MTUS1: variants seen among roughly 807,000 people sequenced by gnomAD.
MTUS1 encodes microtubule-associated tumor suppressor 1.
A neutral mutation model predicts 120.8 loss-of-function variants in MTUS1; 109 were observed. That is an observed-to-expected ratio of 0.90 (90% confidence interval 0.77 to 1.06). The LOEUF is 1.06. MTUS1 is among the 50% of genes least tolerant of loss of function. The pLI, the probability that MTUS1 is intolerant of heterozygous loss-of-function variation, is 0.00. For synonymous variants in MTUS1, 737 were observed against 550.5 expected (o/e 1.34, Z -4.74); for missense variants, 2,210 against 1,486.3 (o/e 1.49, Z -8.01).
chr8:17,798,598 C>A (rs2052442242), intron 1 of MTUS1, among the ~76,000 whole-genome samples: 1 of 152,188 alleles, frequency 6.6e-6, no homozygotes, highest in Non-Finnish European at 1.5e-5. Flanking sequence ...TCCCAAAGTG[C>A]TGGGATTAGA....
In MTUS1 at chr8:17,754,814, C is replaced by T. The variant is rs1422400052; in HGVS notation, c.994G>A (p.Glu332Lys). 3 of 1,614,226 alleles carry T rather than the reference C, an allele frequency of 1.9e-6. No homozygotes were observed. The highest frequency in any genetic ancestry group is 2.2e-5 in the East Asian group (1 of 44,886). ...GTCTCTCTCAGATTTTGGCCCATTT[C>T]CTTGTGCCTGTATGAGCTCTGTGAA... ...PHSQSSYRHK[E>K]MGQNLRETVS... is the part of the protein sequence containing the mutation. The change falls in exon 2 of 15, where the codon GAA becomes AAA. Residue 332 changes from glutamate (E) to lysine (K), a missense_variant. Physicochemically the swap from Glu to Lys is moderately conservative, Grantham distance 56. Transcript: ENST00000693296.
At chr8:17,778,875 C>T (rs2050660631) in intron 1 of MTUS1, among the ~76,000 whole-genome samples, 1 of 152,162 alleles carries the variant, frequency 6.6e-6, no homozygotes, top group Non-Finnish European at 1.5e-5. Context: ...GCTACTGAGG[C>T]ACCTGTAAGG....
intron 1 of MTUS1, among the ~76,000 whole-genome samples, chr8:17,797,909 T>C (rs1348497102): frequency 1.3e-5 from 2 of 152,184 alleles, no homozygotes; most frequent in Middle Eastern, 6.4e-3. Flanking sequence ...AACTTTGAGA[T>C]ATCAGGAAGA....
At chr8:17,709,931 C>T (rs935736435) in intron 6 of MTUS1, among the ~76,000 whole-genome samples, 21 of 151,094 alleles carry the variant, frequency 1.4e-4, no homozygotes, top group African/African-American at 3.4e-4. Flanking sequence ...GGCGTGAACC[C>T]GGGAGGCAGA....
intron 1 of MTUS1, among the ~76,000 whole-genome samples, chr8:17,759,122 C>G (rs1323475984): frequency 6.6e-6 from 1 of 151,892 alleles, no homozygotes; most frequent in Non-Finnish European, 1.5e-5. Flanking sequence ...ACCTCGTGAT[C>G]CGCCCGCCTC....
At chr8:17,722,438 T>A in intron 4 of MTUS1, 1 of 985,390 alleles carries the variant, frequency 1.0e-6, no homozygotes, top group East Asian at 1.1e-4. Flanking sequence ...AATTCAGAGT[T>A]CCCTCTTACA....
intron 6 of MTUS1, among the ~76,000 whole-genome samples, chr8:17,685,068 A>G (rs1434886190): frequency 2.0e-5 from 3 of 152,204 alleles, no homozygotes; most frequent in Non-Finnish European, 4.4e-5. Flanking sequence ...AATCTCTAAT[A>G]AATCATAACA....
At chr8:17,657,799 C>CA (rs1216051789) in intron 8 of MTUS1, among the ~76,000 whole-genome samples, 42,249 of 91,010 alleles carry the variant, frequency 0.46, 10,761 homozygotes, top group Middle Eastern at 0.59. Context: ...GACCCTATCT[C>CA]AAAAAAAAAA....
At chr8:17,715,048 G>A (rs577530676) in intron 5 of MTUS1, among the ~76,000 whole-genome samples, 2 of 151,736 alleles carry the variant, frequency 1.3e-5, no homozygotes, top group African/African-American at 2.4e-5. Context: ...TGGGACTACA[G>A]GTACACACGA....
rs367874537 is a variant in MTUS1 at position 17,743,844 on chromosome 8, A to G, written c.2092-45T>C. The G allele has an allele frequency of 4.4e-5, 69 of 1,556,096 alleles. No homozygotes were observed. In the Middle Eastern group the frequency reaches 1.3e-3, roughly 30 times the overall value. On this transcript the variant is annotated intron_variant, in intron 2 of 14. Coordinates refer to ENST00000693296, the MANE Select transcript of MTUS1 (RefSeq NM_001363059.2). Reference sequence around the variant, plus strand: ...GACTGTAAACCAAAACTAAAATTCTAAGCCCCCCAACTGACTGAATGGGCC... The same window carrying G: ...GACTGTAAACCAAAACTAAAATTCTGAGCCCCCCAACTGACTGAATGGGCC...
At chr8:17,704,035 G>C (rs563341976) in intron 6 of MTUS1, 6 of 152,864 alleles carry the variant, frequency 3.9e-5, no homozygotes, top group African/African-American at 1.4e-4. Context: ...AGGCCCAGCT[G>C]TAAAATTCCT....
At chr8:17,711,062 T>G (rs1821200645) in intron 6 of MTUS1, among the ~76,000 whole-genome samples, 2 of 152,210 alleles carry the variant, frequency 1.3e-5, no homozygotes, top group Admixed American at 1.3e-4. Flanking sequence ...TCATCCAGGC[T>G]TTGTTGTTTC....
chr8:17,713,171 CAA>C, intron 6 of MTUS1, 41 bp downstream of exon 6: 1 of 1,479,678 alleles, frequency 6.8e-7, no homozygotes, highest in Non-Finnish European at 9.4e-7. Flanking sequence ...CATAACTTTA[CAA>C]AAAGATTCTT....
rs1039490086 is a variant in MTUS1 at position 17,680,720 on chromosome 8, G to A, written c.2838+3608C>T. On this transcript the variant is annotated intron_variant, in intron 7 of 14. Coordinates refer to ENST00000693296, the MANE Select transcript of MTUS1 (RefSeq NM_001363059.2). ...TAACTGAGCACCTGATAAAGGCCTC[G>A]GCTTGTGTTTAGAGGCCAGGTTGCA... 4.6e-5 allele frequency among the ~76,000 whole-genome samples: 7 copies of A among 152,104 alleles called. 1 individual carries two copies. Among genetic ancestry groups the A allele is most frequent in the Middle Eastern group, 3.4e-3 (1 of 294 alleles).
rs755431774 is a variant in MTUS1 at position 17,755,905 on chromosome 8, C to G, written c.-98G>C. The G allele has an allele frequency of 6.7e-7, 1 of 1,489,696 alleles. No homozygotes were observed. Among genetic ancestry groups the G allele is most frequent in the Middle Eastern group, 2.5e-4 (1 of 4,056 alleles). The allele number at this position is 1,489,696 out of a possible 1,614,324, so 92.3% of individuals were successfully genotyped here. A position where few individuals can be genotyped will look rare whatever the true frequency, so the allele number is the denominator to read the frequency against. Reference sequence around the variant, plus strand: ...ATGGTCTGTCTTCTAGGTTTTTCAGCACAGTTGAAAGGTTTTCAGTCTAAG... The same window carrying G: ...ATGGTCTGTCTTCTAGGTTTTTCAGGACAGTTGAAAGGTTTTCAGTCTAAG... On this transcript the variant is annotated 5_prime_UTR_variant, in exon 2 of 15. Coordinates refer to ENST00000693296, the MANE Select transcript of MTUS1 (RefSeq NM_001363059.2).
At chr8:17,778,155 T>A (rs1314566970) in intron 1 of MTUS1, among the ~76,000 whole-genome samples, 1 of 152,158 alleles carries the variant, frequency 6.6e-6, no homozygotes, top group African/African-American at 2.4e-5. Flanking sequence ...TATTTTTTTT[T>A]AATTGTGGTA....
In MTUS1 at chr8:17,723,878, C is replaced by T. The variant is rs772780715; in HGVS notation, c.2288-45G>A. ...AAAAAGTTTCCAGTGCTATTCATCC[C>T]GAAAGCTGGCACTTTTTAAGCCTGT... is the stretch of plus-strand genomic sequence containing the variant. On this transcript the variant is annotated intron_variant, in intron 3 of 14. Coordinates refer to ENST00000693296, the MANE Select transcript of MTUS1 (RefSeq NM_001363059.2). The T allele has an allele frequency of 4.1e-5, 61 of 1,470,132 alleles. 1 individual carries two copies. Among genetic ancestry groups the T allele is most frequent in the South Asian group, 1.5e-4 (11 of 71,396 alleles). The allele number at this position is 1,470,132 out of a possible 1,614,324, so 91.1% of individuals were successfully genotyped here.
intron 3 of MTUS1, among the ~76,000 whole-genome samples, chr8:17,725,413 C>T (rs1313946651): frequency 6.6e-6 from 1 of 152,178 alleles, no homozygotes; most frequent in Admixed American, 6.5e-5. Flanking sequence ...TTGTATGGCT[C>T]TCCTACATCC....
intron 1 of MTUS1, among the ~76,000 whole-genome samples, chr8:17,794,420 T>C (rs963568581): frequency 6.6e-6 from 1 of 152,200 alleles, no homozygotes; most frequent in African/African-American, 2.4e-5. Flanking sequence ...TTACATGAAA[T>C]ATAAGCCTAA....
Sources: allele counts gnomAD v4.1 joint callset (sites outside exome capture counted in the v4.1 genomes callset), GRCh38; gene constraint gnomAD v4.1.1; transcripts MANE v1.5; gene names NCBI Gene and HGNC (gene_info 2026-07-23, HGNC 2026-07-21).